The following ZNF804B variants were observed in gnomAD, a reference collection of about 807,000 sequenced individuals.
ZNF804B encodes zinc finger 804B.
In ZNF804B, 80 loss-of-function variants were observed where a neutral mutation model predicts 101.4. The ratio of observed to expected loss-of-function variants is 0.79; its 90% CI spans 0.66 to 0.95. ZNF804B has a LOEUF of 0.95. Ranked by LOEUF, ZNF804B falls within the 40% of genes least tolerant of loss-of-function variation. The probability of loss-of-function intolerance (pLI) is 0.00; values close to 1 mark genes in which losing one functional copy is unlikely to be tolerated. For synonymous variants in ZNF804B, 622 were observed against 558.8 expected (o/e 1.11, Z -1.59); for missense variants, 1,673 against 1,561.9 (o/e 1.07, Z -1.20).
At chr7:88,818,397 T>C (rs1790918943) in intron 1 of ZNF804B, among the ~76,000 whole-genome samples, 1 of 152,162 alleles carries the variant, frequency 6.6e-6, no homozygotes, top group Non-Finnish European at 1.5e-5. Context: ...ATAATAATTA[T>C]GTCCATTTTT....
At chr7:89,070,641 A>G (rs1330246281) in intron 1 of ZNF804B, among the ~76,000 whole-genome samples, 6 of 152,186 alleles carry the variant, frequency 3.9e-5, no homozygotes, top group African/African-American at 1.4e-4. Flanking sequence ...AGACAGAATG[A>G]GATGCAGCAT....
intron 1 of ZNF804B, among the ~76,000 whole-genome samples, chr7:88,819,798 T>C (rs1021467856): frequency 6.6e-6 from 1 of 152,150 alleles, no homozygotes; most frequent in African/African-American, 2.4e-5. Context: ...AGCGCAATTA[T>C]TCTGAAAATT....
intron 1 of ZNF804B, among the ~76,000 whole-genome samples, chr7:89,027,697 CGAA>C (rs914543491): frequency 6.6e-6 from 1 of 152,088 alleles, no homozygotes; most frequent in Non-Finnish European, 1.5e-5. Flanking sequence ...AATGTGAAAA[CGAA>C]GAAGGTCATG....
At position 89,327,334 on chromosome 7, in the gene ZNF804B, C is replaced by T. The variant is rs1271617747; in HGVS notation, c.250-10C>T. On this transcript the variant is annotated splice_polypyrimidine_tract_variant and intron_variant, in intron 2 of 3. Transcript: ENST00000333190. ...TTATAGTACCTTTTTGGTTTTTCTTCTTTTTCAAGAGACTGAAAGAATTAA... is the reference window on the plus strand; with the variant it reads ...TTATAGTACCTTTTTGGTTTTTCTTTTTTTTCAAGAGACTGAAAGAATTAA... 1.3e-6 allele frequency: 2 copies of T among 1,574,090 alleles called. No homozygotes were observed. Among genetic ancestry groups the T allele is most frequent in the Admixed American group, 2.0e-5 (1 of 49,492 alleles).
At chr7:89,274,240 A>G (rs1303845228) in intron 2 of ZNF804B, among the ~76,000 whole-genome samples, 4 of 144,756 alleles carry the variant, frequency 2.8e-5, no homozygotes, top group African/African-American at 7.8e-5. Context: ...TACATGTGCC[A>G]TGCTGGTGCG....
chr7:89,105,170 A>G (rs73393205), intron 1 of ZNF804B, among the ~76,000 whole-genome samples: 5,617 of 152,132 alleles, frequency 0.037, 342 homozygotes, highest in African/African-American at 0.13. Flanking sequence ...TCTGCCCTTC[A>G]GGGGTTGTCT....
At chr7:89,076,657 C>A (rs1420903144) in intron 1 of ZNF804B, among the ~76,000 whole-genome samples, 2 of 152,060 alleles carry the variant, frequency 1.3e-5, no homozygotes, top group Non-Finnish European at 2.9e-5. Context: ...GTGACATTTA[C>A]AGAAATTTTT....
intron 1 of ZNF804B, among the ~76,000 whole-genome samples, chr7:88,957,920 A>ATG (rs149699439): frequency 0.36 from 54,215 of 149,742 alleles, 10,149 homozygotes; most frequent in Admixed American, 0.4. Context: ...GTGTGTGCAT[A>ATG]TGTGTGTGTG....
At chr7:89,071,708 C>G (rs77115164) in intron 1 of ZNF804B, among the ~76,000 whole-genome samples, 3,516 of 152,104 alleles carry the variant, frequency 0.023, 55 homozygotes, top group Non-Finnish European at 0.039. Context: ...ATATGCTTCT[C>G]TATGAGCAGA....
At chr7:88,854,646 C>T (rs532014192) in intron 1 of ZNF804B, among the ~76,000 whole-genome samples, 19 of 146,156 alleles carry the variant, frequency 1.3e-4, no homozygotes, top group African/African-American at 4.6e-4. Context: ...GGTACATGTG[C>T]ACAACGTGCA....
Position 89,269,227 on chromosome 7 carries a change from C to G in ZNF804B, c.249+50932C>G, listed in dbSNP as rs552884429. On this transcript the variant is annotated intron_variant, in intron 2 of 3. Transcript: ENST00000333190. ...ATCCCTCCCCCTTCCCCCTACCCCA[C>G]AACAGGCTCTGGTGTGTGATGTTCC... Among the ~76,000 whole-genome samples the G allele has an allele frequency of 5.6e-4, 85 of 152,210 alleles. 2 individuals carry two copies. The Middle Eastern group carries it at 0.024, about 43-fold the overall frequency.
At chr7:88,935,630 C>G (rs1792955327) in intron 1 of ZNF804B, among the ~76,000 whole-genome samples, 1 of 151,876 alleles carries the variant, frequency 6.6e-6, no homozygotes, top group Non-Finnish European at 1.5e-5. Flanking sequence ...TGCTGTTTCT[C>G]AAATTCCTTC....
chr7:89,207,358 C>A (rs1288077107), intron 1 of ZNF804B, among the ~76,000 whole-genome samples: 1 of 152,220 alleles, frequency 6.6e-6, no homozygotes, highest in African/African-American at 2.4e-5. Flanking sequence ...AAGGTCACAT[C>A]TCACATGCCT....
chr7:89,287,537 A>G (rs989244348), intron 2 of ZNF804B, among the ~76,000 whole-genome samples: 4 of 152,224 alleles, frequency 2.6e-5, no homozygotes, highest in Non-Finnish European at 5.9e-5. Flanking sequence ...GGACTATTAA[A>G]TAAACTAATG....
intron 2 of ZNF804B, among the ~76,000 whole-genome samples, chr7:89,246,427 TC>T (rs143329094): frequency 0.043 from 6,607 of 151,926 alleles, 447 homozygotes; most frequent in African/African-American, 0.15. Context: ...AGCTTAAGCC[TC>T]CTCACACTTC....
chr7:89,050,202 T>C (rs1251724248), intron 1 of ZNF804B, among the ~76,000 whole-genome samples: 1 of 152,100 alleles, frequency 6.6e-6, no homozygotes, highest in Non-Finnish European at 1.5e-5. Context: ...AAAAAAAGAT[T>C]TTAGTATTAT....
intron 1 of ZNF804B, among the ~76,000 whole-genome samples, chr7:88,907,371 C>T (rs1270348904): frequency 6.6e-6 from 1 of 151,870 alleles, no homozygotes; most frequent in Non-Finnish European, 1.5e-5. Context: ...TTTATGTCAT[C>T]ATCTTGTTAG....
intron 1 of ZNF804B, among the ~76,000 whole-genome samples, chr7:89,001,669 A>G (rs1788290553): frequency 6.6e-6 from 1 of 151,990 alleles, no homozygotes; most frequent in South Asian, 2.1e-4. Context: ...ATTCAAAGCA[A>G]GACTCACCAT....
chr7:88,910,376 C>T (rs1258222028), intron 1 of ZNF804B, among the ~76,000 whole-genome samples: 1 of 151,820 alleles, frequency 6.6e-6, no homozygotes, highest in African/African-American at 2.4e-5. Flanking sequence ...CAGAAACTTC[C>T]TTGGAATGCC....
Sources: gnomAD v4.1 joint callset for allele counts (sites outside exome capture counted in the v4.1 genomes callset) on GRCh38, gnomAD v4.1.1 for gene constraint, MANE v1.5 for transcripts, NCBI Gene and HGNC (gene_info 2026-07-23, HGNC 2026-07-21) for gene names.